ESRRG: variants seen among roughly 807,000 people sequenced by gnomAD.
The protein encoded by ESRRG is estrogen related receptor gamma.
A neutral mutation model predicts 44.0 loss-of-function variants in ESRRG; 13 were observed. That is an observed-to-expected ratio of 0.30 (90% CI 0.19 to 0.47). The LOEUF (loss-of-function observed/expected upper bound fraction) is 0.47. ESRRG is among the 20% of genes least tolerant of loss of function. ESRRG has a pLI of 1.00. For synonymous variants in ESRRG, 215 were observed against 214.6 expected, an observed-to-expected ratio of 1.00 and a Z score of -0.02; for missense variants, 395 against 580.6, an observed-to-expected ratio of 0.68 and a Z score of 3.29.
At position 216,816,885 on chromosome 1, in the gene ESRRG, C is replaced by A. The variant is rs77147785; in HGVS notation, c.-14+122697G>T. ...TTCAAACAATGTGGGGCATCTATCA[C>A]GGTTTCATTATCCTACTCAAGGTTT... On this transcript the variant is annotated intron_variant, in intron 2 of 7. Transcript: ENST00000359162. Among the ~76,000 whole-genome samples the A allele has an allele frequency of 8.3e-3, 1,256 of 152,238 alleles. 24 individuals carry two copies. The highest frequency in any genetic ancestry group is 0.028 in the African/African-American group (1,178 of 41,548).
At chr1:216,788,937 C>G (rs2094220136) in intron 2 of ESRRG, among the ~76,000 whole-genome samples, 1 of 152,046 alleles carries the variant, frequency 6.6e-6, no homozygotes, top group African/African-American at 2.4e-5. Flanking sequence ...GAAATGGAGC[C>G]TGAAAGTGGA....
rs1575061887 is a variant in ESRRG, at chr1:216,669,672, G to A, written c.472+7404C>T. Among the ~76,000 whole-genome samples the A allele has an allele frequency of 2.0e-5, 3 of 152,310 alleles. No individual in the cohort carries two copies. The South Asian group carries it at 6.2e-4, about 32-fold the overall frequency. On this transcript the variant is annotated intron_variant, in intron 2 of 6. Transcript: ENST00000408911. ...AGGCCAAGGTGGGCAGATCACTTGA[G>A]GTCGGAAGTTTGAGACCAGCCTGGC...
chr1:216,684,089 G>T (rs987118821), intron 1 of ESRRG, among the ~76,000 whole-genome samples: 4 of 152,202 alleles, frequency 2.6e-5, no homozygotes, highest in South Asian at 2.1e-4. Flanking sequence ...AGGACTAGGG[G>T]TGTTGCAAGT....
intron 1 of ESRRG, among the ~76,000 whole-genome samples, chr1:217,073,934 T>C (rs2151467879): frequency 6.6e-6 from 1 of 152,286 alleles, no homozygotes; most frequent in Non-Finnish European, 1.5e-5. Context: ...ATATCTTTGG[T>C]AGCATATACA....
At chr1:216,924,526 A>G (rs985861666) in intron 2 of ESRRG, among the ~76,000 whole-genome samples, 1 of 152,214 alleles carries the variant, frequency 6.6e-6, no homozygotes, top group African/African-American at 2.4e-5. Flanking sequence ...CTGTTAGAGC[A>G]GATAATAAAA....
intron 1 of ESRRG, among the ~76,000 whole-genome samples, chr1:217,034,256 C>T (rs2082496481): frequency 1.3e-5 from 2 of 152,130 alleles, no homozygotes; most frequent in African/African-American, 2.4e-5. Context: ...AGGGATAAAA[C>T]GGCTTGCTGT....
chr1:217,103,386 C>T (rs2092546280), intron 1 of ESRRG, among the ~76,000 whole-genome samples: 1 of 151,758 alleles, frequency 6.6e-6, no homozygotes, highest in Non-Finnish European at 1.5e-5. Flanking sequence ...TGGCTCACAC[C>T]TGTAATCCCA....
intron 2 of ESRRG, among the ~76,000 whole-genome samples, chr1:216,739,692 TA>T (rs2090423205): frequency 6.6e-6 from 1 of 152,194 alleles, no homozygotes; most frequent in Admixed American, 6.5e-5. Context: ...CCCACTGGTC[TA>T]AGCTAAAAGA....
At chr1:216,878,005 G>A (rs2096384379) in intron 2 of ESRRG, among the ~76,000 whole-genome samples, 1 of 152,144 alleles carries the variant, frequency 6.6e-6, no homozygotes, top group Non-Finnish European at 1.5e-5. Context: ...GGCATATCAG[G>A]AATAAAACTG....
intron 2 of ESRRG, among the ~76,000 whole-genome samples, chr1:216,798,500 G>A (rs1297845992): frequency 1.3e-5 from 2 of 152,206 alleles, no homozygotes; most frequent in Non-Finnish European, 2.9e-5. Flanking sequence ...AGAAAGCCAG[G>A]AAGGGCTGCC....
intron 1 of ESRRG, among the ~76,000 whole-genome samples, chr1:217,120,085 T>C (rs1471982383): frequency 6.6e-6 from 1 of 152,080 alleles, no homozygotes; most frequent in Admixed American, 6.5e-5. Flanking sequence ...TATGAAGTAA[T>C]AGAAATATGA....
intron 3 of ESRRG, among the ~76,000 whole-genome samples, chr1:216,634,549 C>A (rs1418939219): frequency 6.6e-6 from 1 of 152,174 alleles, no homozygotes; most frequent in Non-Finnish European, 1.5e-5. Context: ...TCACAAACTG[C>A]ATCCAAATCC....
In ESRRG at chr1:216,985,379, C is replaced by T. The variant is rs567459799; in HGVS notation, c.-105-45706G>A. The stretch of plus-strand genomic sequence containing the variant: ...TCGGAGTAGCATGCTGGAAGCTTTA[C>T]CCTCCAATCCAGGCTGGAGAAGGAA... On this transcript the variant is annotated intron_variant, in intron 1 of 7. Transcript: ENST00000359162. Among the ~76,000 whole-genome samples, 5 of 152,286 alleles carry T rather than the reference C, an allele frequency of 3.3e-5. No homozygotes were observed. The South Asian group carries it at 8.3e-4, about 25-fold the overall frequency.
rs2068816341 is a variant in ESRRG, at chr1:216,651,067, A to G, written c.495T>C (p.Pro165=). 2.5e-6 allele frequency: 4 copies of G among 1,611,838 alleles called. No homozygotes were observed. Among genetic ancestry groups the G allele is most frequent in the Non-Finnish European group, 3.4e-6 (4 of 1,178,026 alleles). The change falls in exon 3 of 7, where the codon CCT becomes CCC. Residue 165 remains proline, a synonymous_variant. Transcript: ENST00000408911. ...TTGTGATTTCACATTCATTCGTGGC[A>G]GGGCAGCTGTATTCTATATTGCCTA... is the stretch of plus-strand genomic sequence containing the variant. ...TIQGNIEYSC[P]ATNECEITKR...
intron 2 of ESRRG, among the ~76,000 whole-genome samples, chr1:216,913,451 T>G (rs918923204): frequency 1.3e-5 from 2 of 152,178 alleles, no homozygotes; most frequent in African/African-American, 4.8e-5. Flanking sequence ...TCCTTTATAT[T>G]TATATTTTTC....
At chr1:216,795,899 G>A (rs1333745420) in intron 2 of ESRRG, among the ~76,000 whole-genome samples, 9 of 152,082 alleles carry the variant, frequency 5.9e-5, no homozygotes. Flanking sequence ...TTGATCAAGA[G>A]GTATACAGGA....
intron 3 of ESRRG, 112 bp downstream of exon 3, chr1:216,650,861 G>A: frequency 1.4e-6 from 1 of 727,574 alleles, no homozygotes; most frequent in Non-Finnish European, 2.5e-6. Flanking sequence ...TCAGAGTCAG[G>A]GTACTTACTG....
intron 2 of ESRRG, among the ~76,000 whole-genome samples, chr1:216,791,235 G>A (rs900526816): frequency 2.6e-5 from 4 of 152,030 alleles, no homozygotes; most frequent in Non-Finnish European, 5.9e-5. Flanking sequence ...CTGTCTTCAC[G>A]ACAGTGAGTG....
chr1:216,849,090 A>G (rs2095803266), intron 2 of ESRRG, among the ~76,000 whole-genome samples: 1 of 152,182 alleles, frequency 6.6e-6, no homozygotes, highest in Admixed American at 6.5e-5. Context: ...ACTTATTGCC[A>G]CAATTATACA....
Sources: allele counts gnomAD v4.1 joint callset (sites outside exome capture counted in the v4.1 genomes callset), GRCh38; gene constraint gnomAD v4.1.1; transcripts MANE v1.5; gene names NCBI Gene and HGNC (gene_info 2026-07-23, HGNC 2026-07-21).